BRI3: variants seen among roughly 807,000 people sequenced by gnomAD.
The protein encoded by BRI3 is brain protein I3.
In BRI3, 6 loss-of-function variants were observed where a neutral mutation model predicts 12.8. That is an observed-to-expected ratio of 0.47 (90% confidence interval 0.26 to 0.93). BRI3 has a LOEUF of 0.93. Among genes scored for constraint, BRI3 ranks in the 40% least tolerant of loss-of-function variants. BRI3 has a pLI of 0.15. For missense variants in BRI3, 134 were observed against 171.1 expected (o/e 0.78, Z 1.21); for synonymous variants, 91 against 76.1 (o/e 1.20, Z -1.02).
At chr7:98,306,832 G>A (rs1800676479) in intron 1 of BRI3, 4 of 359,132 alleles carry the variant, frequency 1.1e-5, no homozygotes, top group South Asian at 2.8e-5. Context: ...CTCAGCATCC[G>A]AGTAGCTGTG....
At chr7:98,315,621 A>ATGAT in the BRI3 span, 1 of 1,235,866 alleles carries the variant, frequency 8.1e-7, no homozygotes. Flanking sequence ...TACTAAAAAA[A>ATGAT]AAAAAATAAT....
chr7:98,315,639 A>ATAATAC, the BRI3 span: 1 of 1,087,746 alleles, frequency 9.2e-7, no homozygotes, highest in Non-Finnish European at 1.2e-6. Context: ...AATAATAATA[A>ATAATAC]TAATTATATA....
downstream of BRI3, among the ~76,000 whole-genome samples, chr7:98,296,157 A>T (rs1033544905): frequency 2.0e-5 from 3 of 152,234 alleles, no homozygotes; most frequent in Admixed American, 6.5e-5. Context: ...CCAGACAGCC[A>T]TCTCTGTGCC....
downstream of BRI3, among the ~76,000 whole-genome samples, chr7:98,297,403 G>A (rs1021881192): frequency 3.9e-5 from 6 of 152,104 alleles, no homozygotes; most frequent in Non-Finnish European, 5.9e-5. Flanking sequence ...TTTTTCCCTT[G>A]GGCTGCAGCA....
chr7:98,312,801 G>A (rs2116879783), downstream of BRI3, among the ~76,000 whole-genome samples: 1 of 152,296 alleles, frequency 6.6e-6, no homozygotes, highest in Non-Finnish European at 1.5e-5. Context: ...CCCACCACAG[G>A]CCAAACAAGG....
At chr7:98,309,825 G>C (rs1417848891) in exon 2 of BRI3, 2 of 153,676 alleles carry the variant, frequency 1.3e-5, no homozygotes, top group Admixed American at 1.3e-4. Context: ...GGTCTGACCA[G>C]TGAAGCAGCC....
downstream of BRI3, among the ~76,000 whole-genome samples, chr7:98,311,782 A>T (rs1280509546): frequency 1.3e-5 from 2 of 151,904 alleles, no homozygotes; most frequent in Admixed American, 6.6e-5. Context: ...GGTGCGCCCC[A>T]GTAATCCCAG....
At chr7:98,287,442 G>T (rs2116720723) in intron 2 of BRI3, among the ~76,000 whole-genome samples, 1 of 152,336 alleles carries the variant, frequency 6.6e-6, no homozygotes, top group East Asian at 1.9e-4. Context: ...GTTTCCCTGT[G>T]CCTGGGAGGC....
chr7:98,298,543 G>GTGGAT (rs1375212239), intron 1 of BRI3, among the ~76,000 whole-genome samples: 8 of 152,006 alleles, frequency 5.3e-5, no homozygotes, highest in Non-Finnish European at 1.2e-4. Flanking sequence ...AACCCAGGAG[G>GTGGAT]TGGAGTTTGC....
intron 2 of BRI3, chr7:98,282,715 T>C: frequency 2.2e-6 from 1 of 449,258 alleles, no homozygotes; most frequent in South Asian, 3.0e-5. Flanking sequence ...GCACCCCAAG[T>C]GATTGGGATG....
downstream of BRI3, chr7:98,310,533 T>A (rs1397369644): frequency 1.2e-6 from 2 of 1,600,368 alleles, no homozygotes; most frequent in African/African-American, 2.7e-5. Context: ...ATGCTCTGCC[T>A]GAAGGAGCGG....
intron 2 of BRI3, among the ~76,000 whole-genome samples, chr7:98,288,570 G>A (rs973466278): frequency 2.0e-5 from 3 of 149,624 alleles, no homozygotes; most frequent in Non-Finnish European, 4.4e-5. Context: ...GAGCTTCATG[G>A]TGTGCCCTGC....
At chr7:98,295,081 C>A (rs1180557029), downstream of BRI3, among the ~76,000 whole-genome samples, 1 of 152,212 alleles carries the variant, frequency 6.6e-6, no homozygotes, top group African/African-American at 2.4e-5. Context: ...GTCCCAGCAC[C>A]CCCAGGGGGT....
At chr7:98,293,707 C>A, downstream of BRI3, 1 of 1,044,498 alleles carries the variant, frequency 9.6e-7, no homozygotes, top group Middle Eastern at 2.8e-4. Context: ...CTGACCACCT[C>A]CCCAGCTTGT....
At chr7:98,304,367 T>C, upstream of BRI3, 1 of 1,613,436 alleles carries the variant, frequency 6.2e-7, no homozygotes, top group Non-Finnish European at 8.5e-7. Context: ...TGCTTCTCAC[T>C]GGTGTGGGGC....
chr7:98,293,834 A>C (rs1239187011), downstream of BRI3, among the ~76,000 whole-genome samples: 2 of 152,186 alleles, frequency 1.3e-5, no homozygotes, highest in Non-Finnish European at 2.9e-5. Context: ...GGGCACCCAC[A>C]CCTCTTTAGT....
chr7:98,296,225 G>C (rs1353827050), downstream of BRI3, among the ~76,000 whole-genome samples: 1 of 152,266 alleles, frequency 6.6e-6, no homozygotes, highest in African/African-American at 2.4e-5. Context: ...GCCATGCTGG[G>C]TGATCGTGGG....
downstream of BRI3, chr7:98,293,270 C>A: frequency 2.5e-6 from 1 of 404,100 alleles, no homozygotes; most frequent in Non-Finnish European, 4.4e-6. Context: ...TTTACTGTTT[C>A]TTGAACAGAA....
At chr7:98,287,013 G>A (rs770822305) in intron 2 of BRI3, among the ~76,000 whole-genome samples, 1 of 152,204 alleles carries the variant, frequency 6.6e-6, no homozygotes, top group Non-Finnish European at 1.5e-5. Context: ...GGTGAGGGCC[G>A]AACTCTCCTG....
Sources: allele counts gnomAD v4.1 joint callset (sites outside exome capture counted in the v4.1 genomes callset), GRCh38; gene constraint gnomAD v4.1.1; transcripts MANE v1.5; gene names NCBI Gene and HGNC (gene_info 2026-07-23, HGNC 2026-07-21).